The following SYTL3 variants were observed in gnomAD, a reference collection of about 807,000 sequenced individuals.
SYTL3 encodes synaptotagmin-like protein 3.
In SYTL3, 88 loss-of-function variants were observed where a neutral mutation model predicts 82.1. The observed-to-expected ratio is 1.07, with a 90% CI of 0.90 to 1.28. The LOEUF (loss-of-function observed/expected upper bound fraction) is 1.28, where lower values mean the gene tolerates loss of function less well. Ranked by LOEUF, SYTL3 falls within the 50% of genes most tolerant of loss-of-function variation. The probability of loss-of-function intolerance (pLI) is 0.00; values close to 1 mark genes in which losing one functional copy is unlikely to be tolerated. For missense variants in SYTL3, 831 were observed against 757.6 expected (o/e 1.10, Z -1.14); for synonymous variants, 311 against 289.4 (o/e 1.07, Z -0.76).
chr6:158,733,048 T>TTA (rs1785623157), intron 11 of SYTL3, among the ~76,000 whole-genome samples: 1 of 152,098 alleles, frequency 6.6e-6, no homozygotes, highest in Middle Eastern at 3.4e-3. Context: ...AATAATAATG[T>TTA]TAAAAATAAT....
At chr6:158,674,280 GCT>G (rs1225575347) in intron 5 of SYTL3, among the ~76,000 whole-genome samples, 2 of 151,950 alleles carry the variant, frequency 1.3e-5, no homozygotes, top group Non-Finnish European at 2.9e-5. Context: ...TTCTGCTTTG[GCT>G]CTGTTAGTTT....
chr6:158,663,938 A>T (rs1412118968), intron 4 of SYTL3, among the ~76,000 whole-genome samples: 4 of 152,052 alleles, frequency 2.6e-5, no homozygotes, highest in African/African-American at 9.7e-5. Context: ...GCCAACAGGG[A>T]ACTCTTCCCT....
intron 11 of SYTL3, among the ~76,000 whole-genome samples, chr6:158,728,184 A>G (rs1192878045): frequency 6.6e-6 from 1 of 152,118 alleles, no homozygotes; most frequent in East Asian, 1.9e-4. Context: ...ATATTCTCCC[A>G]TGTTTTCATC....
intron 11 of SYTL3, chr6:158,726,413 G>A (rs1160475051): frequency 4.6e-6 from 1 of 219,282 alleles, no homozygotes; most frequent in Non-Finnish European, 9.1e-6. Flanking sequence ...GCAGAAACAG[G>A]AACCAGTTCT....
chr6:158,714,773 C>G (rs1343122714), intron 9 of SYTL3, among the ~76,000 whole-genome samples: 1 of 152,156 alleles, frequency 6.6e-6, no homozygotes, highest in Non-Finnish European at 1.5e-5. Flanking sequence ...ATCCCCTTTT[C>G]TGTAGTTGCA....
chr6:158,684,478 C>T (rs779703167), intron 6 of SYTL3, among the ~76,000 whole-genome samples: 3 of 151,598 alleles, frequency 2.0e-5, no homozygotes, highest in South Asian at 2.1e-4. Flanking sequence ...AGGACAAAGG[C>T]GCACACAGGC....
intron 6 of SYTL3, among the ~76,000 whole-genome samples, chr6:158,686,497 A>G (rs1471140944): frequency 6.6e-6 from 1 of 152,150 alleles, no homozygotes; most frequent in Non-Finnish European, 1.5e-5. Flanking sequence ...TAGTGCTATG[A>G]GCCAGACCAG....
chr6:158,656,834 A>C (rs570484956), intron 2 of SYTL3, among the ~76,000 whole-genome samples: 1 of 152,216 alleles, frequency 6.6e-6, no homozygotes, highest in Admixed American at 6.5e-5. Flanking sequence ...AGAAATATGC[A>C]GCGAATTTTA....
At chr6:158,683,409 C>T (rs1002448622) in intron 6 of SYTL3, among the ~76,000 whole-genome samples, 2 of 151,922 alleles carry the variant, frequency 1.3e-5, no homozygotes, top group African/African-American at 2.4e-5. Context: ...TTAGTAGAGA[C>T]GGGGTTTCAC....
At chr6:158,691,290 T>A (rs1779835604) in intron 6 of SYTL3, among the ~76,000 whole-genome samples, 1 of 151,468 alleles carries the variant, frequency 6.6e-6, no homozygotes, top group Non-Finnish European at 1.5e-5. Flanking sequence ...GAGGTTGCAG[T>A]GAGCCAAGAT....
chr6:158,732,969 C>A (rs1016249202), intron 11 of SYTL3, among the ~76,000 whole-genome samples: 23 of 133,382 alleles, frequency 1.7e-4, no homozygotes, highest in Admixed American at 2.2e-4. Flanking sequence ...AAAAAAAAAA[C>A]ACTGTAAAAT....
intron 6 of SYTL3, among the ~76,000 whole-genome samples, chr6:158,700,774 G>A (rs975670768): frequency 3.9e-5 from 6 of 152,092 alleles, no homozygotes; most frequent in Non-Finnish European, 7.4e-5. Context: ...CCGCCACCAC[G>A]GCCGGCTAAT....
intron 11 of SYTL3, among the ~76,000 whole-genome samples, chr6:158,740,821 T>C (rs1786834563): frequency 6.6e-6 from 1 of 152,332 alleles, no homozygotes; most frequent in South Asian, 2.1e-4. Flanking sequence ...TCTTTATTAA[T>C]AAAAGTAGGA....
At chr6:158,659,173 T>G (rs1789064545) in intron 2 of SYTL3, among the ~76,000 whole-genome samples, 1 of 152,204 alleles carries the variant, frequency 6.6e-6, no homozygotes, top group Non-Finnish European at 1.5e-5. Context: ...CCCAGGCAAC[T>G]GGGAACACCA....
chr6:158,741,635 C>G (rs1786939535), intron 11 of SYTL3, among the ~76,000 whole-genome samples: 1 of 152,206 alleles, frequency 6.6e-6, no homozygotes, highest in Admixed American at 6.5e-5. Context: ...AGTTTCTTCT[C>G]AGTCCAACCA....
chr6:158,671,093 G>A (rs79564705), intron 5 of SYTL3, among the ~76,000 whole-genome samples: 20 of 151,738 alleles, frequency 1.3e-4, no homozygotes, highest in African/African-American at 1.9e-4. Context: ...CGTGAGCCAC[G>A]GCGCCCGGCC....
chr6:158,671,492 C>T (rs1490250829), intron 5 of SYTL3, among the ~76,000 whole-genome samples: 8 of 152,044 alleles, frequency 5.3e-5, no homozygotes, highest in East Asian at 1.9e-4. Context: ...ATAATTTTAT[C>T]GGTGGCTCAT....
intron 6 of SYTL3, among the ~76,000 whole-genome samples, chr6:158,700,626 A>G (rs951589576): frequency 2.6e-5 from 4 of 151,948 alleles, no homozygotes; most frequent in African/African-American, 9.7e-5. Context: ...GTATGTATGT[A>G]TGTATTTTGA....
At chr6:158,727,486 T>G (rs897490002) in intron 11 of SYTL3, among the ~76,000 whole-genome samples, 1 of 152,000 alleles carries the variant, frequency 6.6e-6, no homozygotes, top group African/African-American at 2.4e-5. Flanking sequence ...CTTTCATTCT[T>G]CCTTTTAAAT....
Sources: gnomAD v4.1 joint callset for allele counts (sites outside exome capture counted in the v4.1 genomes callset) on GRCh38, gnomAD v4.1.1 for gene constraint, MANE v1.5 for transcripts, NCBI Gene and HGNC (gene_info 2026-07-23, HGNC 2026-07-21) for gene names.